The following PCDH15 variants were observed in gnomAD, a reference collection of about 807,000 sequenced individuals.
The protein encoded by PCDH15 is protocadherin-15.
In PCDH15, 129 loss-of-function variants were observed where a neutral mutation model predicts 178.5. The observed-to-expected ratio is 0.72, with a 90% confidence interval of 0.63 to 0.84. PCDH15 has a LOEUF of 0.84. Ranked by LOEUF, PCDH15 falls within the 40% of genes least tolerant of loss-of-function variation. PCDH15 has a pLI of 0.00. For synonymous variants in PCDH15, 800 were observed against 732.0 expected (o/e 1.09, Z -1.50); for missense variants, 2,230 against 2,099.9 (o/e 1.06, Z -1.21).
chr10:54,169,090 C>G (rs1253679086), intron 13 of PCDH15, among the ~76,000 whole-genome samples: 3 of 152,022 alleles, frequency 2.0e-5, no homozygotes, highest in East Asian at 1.9e-4. Flanking sequence ...TCCTCCTAAG[C>G]CGCGTCCCAT....
intron 2 of PCDH15, among the ~76,000 whole-genome samples, chr10:55,506,683 T>G (rs370670080): frequency 1.3e-5 from 2 of 151,544 alleles, no homozygotes; most frequent in Non-Finnish European, 3.0e-5. Context: ...CGGGAGAGTG[T>G]ATAATTTATA....
intron 2 of PCDH15, among the ~76,000 whole-genome samples, chr10:54,529,870 CTGTAT>C (rs1197018759): frequency 1.3e-5 from 2 of 151,936 alleles, no homozygotes; most frequent in Admixed American, 6.6e-5. Flanking sequence ...TTGGAAAGCA[CTGTAT>C]TGTAAGGTAT....
At chr10:54,604,449 T>C (rs1201431623) in intron 2 of PCDH15, among the ~76,000 whole-genome samples, 3 of 152,028 alleles carry the variant, frequency 2.0e-5, no homozygotes, top group African/African-American at 7.2e-5. Context: ...TATTTAGATC[T>C]GATATTGAGT....
At chr10:54,048,553 G>A (rs2093701660) in intron 18 of PCDH15, among the ~76,000 whole-genome samples, 2 of 152,052 alleles carry the variant, frequency 1.3e-5, no homozygotes, top group Non-Finnish European at 2.9e-5. Context: ...AGTGATTAGT[G>A]CATCTTGACA....
intron 3 of PCDH15, among the ~76,000 whole-genome samples, chr10:54,875,026 G>T (rs770541075): frequency 6.6e-6 from 1 of 152,134 alleles, no homozygotes; most frequent in Non-Finnish European, 1.5e-5. Context: ...TCATTTTATT[G>T]TGGTTCACAG....
chr10:55,403,856 A>G (rs1364324957), intron 2 of PCDH15, among the ~76,000 whole-genome samples: 1 of 152,050 alleles, frequency 6.6e-6, no homozygotes, highest in Non-Finnish European at 1.5e-5. Context: ...TTAACAAACC[A>G]GTTTTAGAAC....
At chr10:54,113,208 T>C (rs1269916906) in intron 15 of PCDH15, among the ~76,000 whole-genome samples, 1 of 152,168 alleles carries the variant, frequency 6.6e-6, no homozygotes, top group Non-Finnish European at 1.5e-5. Flanking sequence ...TAGGCATTTG[T>C]ATAATAGTGT....
At chr10:55,275,230 C>T (rs1842558326) in intron 1 of PCDH15, among the ~76,000 whole-genome samples, 1 of 151,844 alleles carries the variant, frequency 6.6e-6, no homozygotes, top group Admixed American at 6.6e-5. Flanking sequence ...ATAGATGTTA[C>T]TTTCATCAAT....
chr10:54,210,532 CT>C (rs1282366759), intron 10 of PCDH15, among the ~76,000 whole-genome samples: 3 of 152,010 alleles, frequency 2.0e-5, no homozygotes, highest in African/African-American at 7.2e-5. Context: ...AAAAAAGCAG[CT>C]TCCTAACAGT....
chr10:54,534,694 C>T (rs1451430788), intron 2 of PCDH15, among the ~76,000 whole-genome samples: 1 of 152,138 alleles, frequency 6.6e-6, no homozygotes. Context: ...GCACCTCATT[C>T]AAAGAAGGTA....
At chr10:55,309,406 A>T (rs918052923) in intron 1 of PCDH15, among the ~76,000 whole-genome samples, 8 of 151,964 alleles carry the variant, frequency 5.3e-5, no homozygotes, top group African/African-American at 9.7e-5. Flanking sequence ...ATTCTCACCT[A>T]TTCAAGAGGT....
At chr10:55,608,016 C>A (rs947173709) in intron 2 of PCDH15, among the ~76,000 whole-genome samples, 1 of 151,812 alleles carries the variant, frequency 6.6e-6, no homozygotes, top group South Asian at 2.1e-4. Flanking sequence ...CAAGCAAAAG[C>A]GCCTACTGGT....
chr10:54,473,336 C>T (rs1377583424), intron 3 of PCDH15, among the ~76,000 whole-genome samples: 3 of 152,044 alleles, frequency 2.0e-5, no homozygotes, highest in South Asian at 4.1e-4. Flanking sequence ...TCCAAAGATA[C>T]TGGATATTGT....
intron 2 of PCDH15, among the ~76,000 whole-genome samples, chr10:54,612,385 T>C (rs2092991404): frequency 6.6e-6 from 1 of 151,778 alleles, no homozygotes; most frequent in South Asian, 2.1e-4. Context: ...TTCACTAAGA[T>C]AAAAGGATCA....
chr10:55,517,282 C>A, intron 2 of PCDH15, among the ~76,000 whole-genome samples: 1 of 151,922 alleles, frequency 6.6e-6, no homozygotes, highest in East Asian at 1.9e-4. Flanking sequence ...TCCAGAAAAA[C>A]CAGGATGTAA....
chr10:53,878,209 A>T (rs1276292861), intron 26 of PCDH15, among the ~76,000 whole-genome samples: 1 of 70,636 alleles, frequency 1.4e-5, no homozygotes, highest in Non-Finnish European at 2.7e-5. Flanking sequence ...ACACACACAC[A>T]CTTTGAATAT....
At chr10:54,910,235 C>T (rs967038629) in intron 2 of PCDH15, among the ~76,000 whole-genome samples, 1 of 152,114 alleles carries the variant, frequency 6.6e-6, no homozygotes, top group Non-Finnish European at 1.5e-5. Context: ...CTGTGGCGGC[C>T]ATCAATACCA....
chr10:53,897,243 T>C lies in PCDH15; in HGVS notation c.3501+6000A>G, dbSNP rs546920039. Among the ~76,000 whole-genome samples, 5 of 152,276 alleles carry C rather than the reference T, an allele frequency of 3.3e-5. No individual in the cohort carries two copies. In the East Asian group the frequency reaches 9.7e-4, roughly 29 times the overall value. ...TGAGAGGATTAGCATGTTCCCACAA[T>C]GCACATCACTCCCATATTGTTGCAA... On this transcript the variant is annotated intron_variant, in intron 26 of 37. Coordinates refer to ENST00000644397, the MANE Select transcript of PCDH15 (RefSeq NM_001384140.1).
At chr10:53,948,175 TG>T (rs750216033) in intron 23 of PCDH15, among the ~76,000 whole-genome samples, 5 of 152,170 alleles carry the variant, frequency 3.3e-5, no homozygotes, top group South Asian at 2.1e-4. Flanking sequence ...GTTTGTCTAC[TG>T]CCCTACCTTA....
Sources: gnomAD v4.1 joint callset for allele counts (sites outside exome capture counted in the v4.1 genomes callset) on GRCh38, gnomAD v4.1.1 for gene constraint, MANE v1.5 for transcripts, NCBI Gene and HGNC (gene_info 2026-07-23, HGNC 2026-07-21) for gene names.